SHROOM3: variants seen among roughly 807,000 people sequenced by gnomAD.
SHROOM3 encodes shroom family member 3.
A neutral mutation model predicts 138.6 loss-of-function variants in SHROOM3; 47 were observed. The ratio of observed to expected loss-of-function variants is 0.34; its 90% confidence interval spans 0.27 to 0.43. The LOEUF is 0.43. Among genes scored for constraint, SHROOM3 ranks in the 20% least tolerant of loss-of-function variants. The pLI is 1.00. For synonymous variants in SHROOM3, 1,062 were observed against 1,063.3 expected, an observed-to-expected ratio of 1.00 and a Z score of 0.02; for missense variants, 2,491 against 2,596.5, an observed-to-expected ratio of 0.96 and a Z score of 0.88.
In SHROOM3 at chr4:76,778,338, C is replaced by T. The variant is rs201509879; in HGVS notation, c.5623-471C>T. On this transcript the variant is annotated intron_variant, in intron 10 of 10. Coordinates refer to ENST00000296043, the MANE Select transcript of SHROOM3 (RefSeq NM_020859.4). The stretch of plus-strand genomic sequence containing the variant: ...CTGGGTTCAAGCAATTCTCATGCCT[C>T]AGCCTCCCAAGTAGCTGGTATTACA... Among the ~76,000 whole-genome samples, 7 of 152,004 alleles carry T rather than the reference C, an allele frequency of 4.6e-5. No individual in the cohort carries two copies. In the East Asian group the frequency reaches 1.4e-3, roughly 29 times the overall value.
At chr4:76,725,027 G>A (rs1720661553) in intron 3 of SHROOM3, among the ~76,000 whole-genome samples, 1 of 152,022 alleles carries the variant, frequency 6.6e-6, no homozygotes, top group African/African-American at 2.4e-5. Flanking sequence ...ATAAAACAAA[G>A]ATTTATCTCC....
rs1022169982 is a variant in SHROOM3 at position 76,716,114 on chromosome 4, G to T, written c.455+5827G>T. The T allele has an allele frequency of 1.4e-5, 4 of 279,100 alleles. No individual in the cohort carries two copies. In the South Asian group the frequency reaches 1.5e-4, roughly 10 times the overall value. 17.3% of individuals were successfully genotyped at this position (279,100 alleles called of 1,614,324 possible). ...GTTCAAGATGCCAGCTCTTCTCAGG[G>T]AGTCATTAAGGGTCACCTTCTCTTC... On this transcript the variant is annotated intron_variant, in intron 3 of 10. Coordinates refer to ENST00000296043, the MANE Select transcript of SHROOM3 (RefSeq NM_020859.4).
intron 1 of SHROOM3, among the ~76,000 whole-genome samples, chr4:76,503,167 C>CCACACACACACACACACACA (rs111393161): frequency 0.01 from 1,503 of 145,898 alleles, 26 homozygotes; most frequent in African/African-American, 0.026. Flanking sequence ...TTGTCAACTT[C>CCACACACACACACACACACA]CACACACACA....
At chr4:76,616,586 A>G (rs1246936407) in intron 2 of SHROOM3, among the ~76,000 whole-genome samples, 1 of 152,222 alleles carries the variant, frequency 6.6e-6, no homozygotes, top group African/African-American at 2.4e-5. Flanking sequence ...CAAAAAGACA[A>G]ATACTATCTG....
chr4:76,642,822 G>A (rs1210101758), intron 2 of SHROOM3, among the ~76,000 whole-genome samples: 1 of 152,016 alleles, frequency 6.6e-6, no homozygotes, highest in Non-Finnish European at 1.5e-5. Flanking sequence ...AGGGTAGTGG[G>A]AATAAATGTT....
At chr4:76,483,141 T>C (rs1445549124) in intron 1 of SHROOM3, among the ~76,000 whole-genome samples, 4 of 152,244 alleles carry the variant, frequency 2.6e-5, no homozygotes. Flanking sequence ...AAAGCCAAAA[T>C]TGACAAATGG....
intron 1 of SHROOM3, among the ~76,000 whole-genome samples, chr4:76,452,752 T>C (rs1730950285): frequency 6.6e-6 from 1 of 152,216 alleles, no homozygotes; most frequent in Non-Finnish European, 1.5e-5. Flanking sequence ...AGTTTCACTC[T>C]TGTCATCCAG....
chr4:76,469,426 G>A (rs1423666994), intron 1 of SHROOM3, among the ~76,000 whole-genome samples: 4 of 151,610 alleles, frequency 2.6e-5, no homozygotes, highest in East Asian at 1.9e-4. Context: ...ATTCCCAGTC[G>A]TTTCATTTCC....
intron 1 of SHROOM3, among the ~76,000 whole-genome samples, chr4:76,553,284 TA>T (rs1379052123): frequency 6.6e-6 from 1 of 152,116 alleles, no homozygotes; most frequent in East Asian, 1.9e-4. Context: ...TTTATTTATT[TA>T]TTTTTTTTGA....
intron 2 of SHROOM3, among the ~76,000 whole-genome samples, chr4:76,675,583 C>T (rs1719006806): frequency 2.6e-5 from 4 of 152,092 alleles, no homozygotes; most frequent in Non-Finnish European, 4.4e-5. Context: ...AGAGGCCAGG[C>T]GCGATGGCTG....
chr4:76,609,657 CT>C (rs1049716180), intron 2 of SHROOM3, among the ~76,000 whole-genome samples: 1 of 152,126 alleles, frequency 6.6e-6, no homozygotes, highest in Non-Finnish European at 1.5e-5. Flanking sequence ...GTTGTAAACT[CT>C]TAGTTTCCTT....
At chr4:76,694,656 A>G (rs535929270) in intron 2 of SHROOM3, among the ~76,000 whole-genome samples, 1 of 152,350 alleles carries the variant, frequency 6.6e-6, no homozygotes, top group African/African-American at 2.4e-5. Context: ...CATCTGCAAG[A>G]TGGTGATAAT....
intron 7 of SHROOM3, among the ~76,000 whole-genome samples, chr4:76,755,425 C>G (rs572132993): frequency 6.6e-6 from 1 of 152,188 alleles, no homozygotes; most frequent in Non-Finnish European, 1.5e-5. Flanking sequence ...GCACATTTCA[C>G]TTCTGGGGAC....
At chr4:76,587,422 C>T (rs928347593) in intron 2 of SHROOM3, among the ~76,000 whole-genome samples, 5 of 152,104 alleles carry the variant, frequency 3.3e-5, no homozygotes, top group Non-Finnish European at 7.4e-5. Context: ...GACTACTTTT[C>T]CCACCTCATT....
At chr4:76,437,638 G>T (rs555435720) in intron 1 of SHROOM3, among the ~76,000 whole-genome samples, 1 of 152,214 alleles carries the variant, frequency 6.6e-6, no homozygotes, top group East Asian at 1.9e-4. Flanking sequence ...GGTAAGAAAT[G>T]CCAGTGATTA....
intron 2 of SHROOM3, among the ~76,000 whole-genome samples, chr4:76,642,307 C>T (rs978763554): frequency 2.4e-4 from 36 of 152,304 alleles, no homozygotes; most frequent in African/African-American, 7.5e-4. Flanking sequence ...ATGACACCCT[C>T]AACCCCCAAA....
At chr4:76,775,699 A>G (rs1250269386) in intron 10 of SHROOM3, among the ~76,000 whole-genome samples, 3 of 133,490 alleles carry the variant, frequency 2.2e-5, no homozygotes, top group Non-Finnish European at 5.1e-5. Context: ...GTATATATAC[A>G]TAACATATTT....
intron 1 of SHROOM3, among the ~76,000 whole-genome samples, chr4:76,553,542 C>T (rs1322424773): frequency 6.6e-6 from 1 of 152,068 alleles, no homozygotes; most frequent in African/African-American, 2.4e-5. Context: ...TCCCAAAGTG[C>T]TAGGATTACA....
rs1313466314 is a variant in SHROOM3, at chr4:76,633,672, AAAAAAAG to A, written c.324-76479_324-76473del. On this transcript the variant is annotated intron_variant, in intron 2 of 10. Coordinates refer to ENST00000296043, the MANE Select transcript of SHROOM3 (RefSeq NM_020859.4). ...ACTCCGTCTCAAAAAAAAAAAAAAA[AAAAAAAG>A]AAAAGAAATTCTGCAACACACCTTG... is the stretch of plus-strand genomic sequence containing the variant. 9.7e-4 allele frequency among the ~76,000 whole-genome samples: 144 copies of A among 148,388 alleles called. 2 individuals are homozygous for A. The East Asian group carries it at 0.016, about 17-fold the overall frequency.
Sources: gnomAD v4.1 joint callset for allele counts (sites outside exome capture counted in the v4.1 genomes callset) on GRCh38, gnomAD v4.1.1 for gene constraint, MANE v1.5 for transcripts, NCBI Gene and HGNC (gene_info 2026-07-23, HGNC 2026-07-21) for gene names.